EYA3: variants seen among roughly 807,000 people sequenced by gnomAD.
The protein encoded by EYA3 is protein phosphatase EYA3.
Under a neutral mutation model 80.0 loss-of-function variants are expected in EYA3, and 39 were observed. That is an observed-to-expected ratio of 0.49 (90% confidence interval 0.38 to 0.64). The LOEUF (loss-of-function observed/expected upper bound fraction) is 0.64. EYA3 is among the 30% of genes least tolerant of loss of function. The probability of loss-of-function intolerance (pLI) is 0.00; values close to 1 mark genes in which losing one functional copy is unlikely to be tolerated. For synonymous variants in EYA3, 206 were observed against 232.8 expected (o/e 0.88, Z 1.05); for missense variants, 523 against 676.1 (o/e 0.77, Z 2.51).
intron 7 of EYA3, among the ~76,000 whole-genome samples, chr1:28,021,859 C>T (rs1197523267): frequency 2.0e-5 from 3 of 152,096 alleles, no homozygotes; most frequent in African/African-American, 7.2e-5. Context: ...CCCACCTCAG[C>T]CTCTCAAAGT....
At chr1:28,033,657 A>C (rs199764648) in intron 6 of EYA3, among the ~76,000 whole-genome samples, 1 of 125,836 alleles carries the variant, frequency 7.9e-6, no homozygotes, top group Non-Finnish European at 1.7e-5. Context: ...TATTATTATT[A>C]TTATTATTAT....
intron 1 of EYA3, among the ~76,000 whole-genome samples, chr1:28,061,591 GTTTTTTTTTTTTGTC>G (rs1644627526): frequency 6.9e-6 from 1 of 144,906 alleles, no homozygotes; most frequent in Non-Finnish European, 1.5e-5. Flanking sequence ...AATTTAACGT[GTTTTTTTTTTTTGTC>G]TTTTGTTTTT....
chr1:28,026,214 C>A (rs1314737882), intron 7 of EYA3, among the ~76,000 whole-genome samples: 1 of 152,166 alleles, frequency 6.6e-6, no homozygotes, highest in African/African-American at 2.4e-5. Context: ...ATTAAGAGAA[C>A]CCTTGGTCTT....
intron 17 of EYA3, among the ~76,000 whole-genome samples, chr1:27,976,167 G>C (rs771262374): frequency 1.3e-5 from 2 of 152,110 alleles, no homozygotes; most frequent in African/African-American, 2.4e-5. Flanking sequence ...GTTCAAGAAT[G>C]CCAGACTAGA....
chr1:28,035,544 C>T lies in EYA3; in HGVS notation c.361G>A (p.Gly121Ser). ...AATTGTTTACAATACAGTGCCTTAC[C>T]AAAAGGAGGTAGTCCATACGTTTGG... is the stretch of plus-strand genomic sequence containing the variant. ...ATQTYGLPPF[G>S]ALWPGMKPES... Residue 121 changes from glycine (G) to serine (S), a missense_variant and splice_region_variant, in exon 6 of 18, where the codon GGT becomes AGT. Gly to Ser is a moderately conservative substitution (Grantham distance 56, BLOSUM62 0). This residue lies in a region of EYA3 where 304 missense variants were observed against 343.3 expected (regional missense o/e 0.89). Transcript: ENST00000373871. 2 of 1,611,430 alleles carry T rather than the reference C, an allele frequency of 1.2e-6. No individual in the cohort carries two copies. The highest frequency in any genetic ancestry group is 2.2e-5 in the South Asian group (2 of 90,414).
chr1:28,021,925 A>G (rs2148815515), intron 7 of EYA3, among the ~76,000 whole-genome samples: 1 of 152,110 alleles, frequency 6.6e-6, no homozygotes, highest in East Asian at 1.9e-4. Flanking sequence ...ATTTTCTGCT[A>G]AAGGCTGACA....
rs2148690785 is a variant in EYA3 at position 27,970,679 on chromosome 1, A to C, written c.*3787T>G. The C allele has an allele frequency of 6.6e-6, 1 of 152,354 alleles. No homozygotes were observed. The highest frequency in any genetic ancestry group is 1.9e-4 in the East Asian group (1 of 5,190). The allele number at this position is 152,354 out of a possible 1,614,324, so 9.4% of individuals were successfully genotyped here. ...AACTAGATTTTCTCTCTTGTGGTTT[A>C]AGATATTTTAGAATCTCGGAATTCA... On this transcript the variant is annotated 3_prime_UTR_variant, in exon 18 of 18. Transcript: ENST00000373871.
chr1:27,983,216 T>C (rs1639429824), intron 16 of EYA3, among the ~76,000 whole-genome samples: 1 of 152,226 alleles, frequency 6.6e-6, no homozygotes, highest in African/African-American at 2.4e-5. Context: ...GGGCACGGTT[T>C]CAATAAAAAC....
Position 27,974,490 on chromosome 1 carries a change from C to T in EYA3, c.1698G>A (p.Gln566=). The T allele has an allele frequency of 1.2e-6, 2 of 1,613,006 alleles. No homozygotes were observed. Among genetic ancestry groups the T allele is most frequent in the East Asian group, 2.2e-5 (1 of 44,862 alleles). The change falls in exon 18 of 18, where the codon CAG becomes CAA. Residue 566 remains glutamine, a synonymous_variant. Coordinates refer to ENST00000373871, the MANE Select transcript of EYA3 (RefSeq NM_001990.4). ...TNHGDLVSLH[Q]ALELDFL is the part of the protein sequence containing the mutation. ...CTTAGAGAAAATCAAGCTCTAAAGC[C>T]TGGTGAAGGGATACTAGGTCTCCAT...
chr1:28,015,537 A>C (rs1370698190), intron 8 of EYA3, among the ~76,000 whole-genome samples: 1 of 152,182 alleles, frequency 6.6e-6, no homozygotes, highest in Non-Finnish European at 1.5e-5. Context: ...TCAAAAAACA[A>C]ACAAACAAAC....
chr1:27,999,880 C>A (rs1364875049), intron 12 of EYA3, 80 bp downstream of exon 12: 38 of 1,071,426 alleles, frequency 3.5e-5, no homozygotes, highest in Admixed American at 4.5e-5. Flanking sequence ...CACATATCTT[C>A]TAATATAATA....
At chr1:28,038,439 T>TAAAAAAAAAAAAAAAAAAAAAAAA (rs74525723) in intron 5 of EYA3, among the ~76,000 whole-genome samples, 1 of 68,480 alleles carries the variant, frequency 1.5e-5, no homozygotes, top group African/African-American at 5.7e-5. Context: ...GATTCTATCT[T>TAAAAAAAAAAAAAAAAAAAAAAAA]AAAAAAAAAA....
At chr1:28,037,131 T>C (rs948729354) in intron 5 of EYA3, among the ~76,000 whole-genome samples, 16 of 152,306 alleles carry the variant, frequency 1.1e-4, no homozygotes, top group African/African-American at 3.6e-4. Context: ...ACTGAAATTA[T>C]TGAGCAAAGA....
chr1:28,019,559 G>A (rs889495983), intron 7 of EYA3, among the ~76,000 whole-genome samples: 8 of 152,116 alleles, frequency 5.3e-5, no homozygotes, highest in South Asian at 2.1e-4. Flanking sequence ...GTGATTTAAG[G>A]TGGGAAATAA....
intron 2 of EYA3, among the ~76,000 whole-genome samples, chr1:28,054,990 G>C (rs1644387415): frequency 6.6e-6 from 1 of 152,190 alleles, no homozygotes; most frequent in Admixed American, 6.5e-5. Flanking sequence ...TTCTAAAACA[G>C]ATTACTGAAC....
At position 27,974,341 on chromosome 1, in the gene EYA3, A is replaced by G. The variant is rs546218410; in HGVS notation, c.*125T>C. 20 of 565,706 alleles carry G rather than the reference A, an allele frequency of 3.5e-5. No homozygotes were observed. The highest frequency in any genetic ancestry group is 9.0e-5 in the East Asian group (3 of 33,278). The allele number at this position is 565,706 out of a possible 1,614,324, so 35.0% of individuals were successfully genotyped here. ...AGAGAGGGAGAGAGAGAAAGAGAGA[A>G]AGAGAGAGAGATAGAGACAGAGACA... On this transcript the variant is annotated 3_prime_UTR_variant, in exon 18 of 18. Transcript: ENST00000373871.
intron 2 of EYA3, 62 bp from the exon 3 acceptor site, chr1:28,048,488 A>G (rs1644117810): frequency 7.7e-7 from 1 of 1,292,470 alleles, no homozygotes; most frequent in East Asian, 2.3e-5. Flanking sequence ...TCATTTAGCT[A>G]CTCAAACAAC....
At chr1:28,084,972 C>A (rs2148965644) in intron 1 of EYA3, among the ~76,000 whole-genome samples, 1 of 152,132 alleles carries the variant, frequency 6.6e-6, no homozygotes, top group East Asian at 1.9e-4. Context: ...TTGTTACATG[C>A]AGAACAGAAA....
intron 6 of EYA3, among the ~76,000 whole-genome samples, chr1:28,029,593 CTTT>C (rs1226877063): frequency 5.1e-5 from 7 of 136,014 alleles, no homozygotes; most frequent in Admixed American, 7.4e-5. Context: ...AAAGAAAATC[CTTT>C]TTTTTTTTTT....
Sources: gnomAD v4.1 joint callset for allele counts (sites outside exome capture counted in the v4.1 genomes callset) on GRCh38, gnomAD v4.1.1 for gene constraint, gnomAD v4.1.1 regional missense constraint, MANE v1.5 for transcripts, NCBI Gene and HGNC (gene_info 2026-07-23, HGNC 2026-07-21) for gene names.